Variants in PPARGC1A observed in about 807,000 individuals in gnomAD.
PPARGC1A encodes the protein peroxisome proliferator-activated receptor gamma coactivator 1-alpha.
PPARGC1A carries 25 observed loss-of-function variants against 88.7 expected under a neutral mutation model. The observed-to-expected ratio is 0.28, with a 90% CI of 0.21 to 0.39. PPARGC1A has a LOEUF of 0.39. Ranked by LOEUF, PPARGC1A falls within the 10% of genes least tolerant of loss-of-function variation. The probability of loss-of-function intolerance (pLI) is 1.00; values close to 1 mark genes in which losing one functional copy is unlikely to be tolerated. For missense variants in PPARGC1A, 880 were observed against 968.7 expected (o/e 0.91, Z 1.22); for synonymous variants, 363 against 355.6 (o/e 1.02, Z -0.24).
the PPARGC1A span, among the ~76,000 whole-genome samples, chr4:24,385,132 A>G: frequency 1.3e-5 from 2 of 152,138 alleles, no homozygotes; most frequent in African/African-American, 4.8e-5. Flanking sequence ...CCTGCTCCCA[A>G]ATGACTACTG....
intron 7 of PPARGC1A, among the ~76,000 whole-genome samples, chr4:23,816,542 T>TA (rs3836558): frequency 0.016 from 2,406 of 149,984 alleles, 37 homozygotes; most frequent in African/African-American, 0.043. Context: ...CCCAGCGAGA[T>TA]AAAAAAAAAA....
the PPARGC1A span, among the ~76,000 whole-genome samples, chr4:24,328,611 C>T: frequency 3.0e-4 from 46 of 152,354 alleles, 2 homozygotes; most frequent in Middle Eastern, 6.8e-3. Flanking sequence ...ACATCATCTC[C>T]CTTCCCAGCA....
At chr4:24,094,537 A>G in the PPARGC1A span, among the ~76,000 whole-genome samples, 7 of 152,236 alleles carry the variant, frequency 4.6e-5, no homozygotes, top group African/African-American at 1.7e-4. Context: ...TTTAAAAAGA[A>G]AGAGCAAAGC....
Position 23,815,944 on chromosome 4 carries a change from T to G in PPARGC1A, c.878-1339A>C, listed in dbSNP as rs545448441. Among the ~76,000 whole-genome samples the G allele has an allele frequency of 3.3e-5, 5 of 152,132 alleles. No homozygotes were observed. In the East Asian group the frequency reaches 9.7e-4, roughly 29 times the overall value. On this transcript the variant is annotated intron_variant, in intron 7 of 12. Transcript: ENST00000264867. ...CAACACACATATATCGAGAGCCAAGTAGGTCACAGAAAGCCACATGAGATT... is the reference window on the plus strand; with the variant it reads ...CAACACACATATATCGAGAGCCAAGGAGGTCACAGAAAGCCACATGAGATT...
chr4:24,024,030 T>C, the PPARGC1A span, among the ~76,000 whole-genome samples: 6 of 152,326 alleles, frequency 3.9e-5, no homozygotes, highest in South Asian at 6.2e-4. Flanking sequence ...TTCGCTAGTT[T>C]TTGCCTTCTG....
chr4:24,301,869 G>A, the PPARGC1A span, among the ~76,000 whole-genome samples: 2 of 152,062 alleles, frequency 1.3e-5, no homozygotes, highest in Non-Finnish European at 2.9e-5. Context: ...ATCTAACACA[G>A]TACTGAGCAC....
At chr4:24,108,650 C>A in the PPARGC1A span, among the ~76,000 whole-genome samples, 2 of 152,182 alleles carry the variant, frequency 1.3e-5, no homozygotes, top group African/African-American at 4.8e-5. Context: ...GAAATTGAGG[C>A]CCAGAAAGAT....
the PPARGC1A span, among the ~76,000 whole-genome samples, chr4:24,461,220 C>A: frequency 6.6e-6 from 1 of 152,204 alleles, no homozygotes; most frequent in African/African-American, 2.4e-5. Flanking sequence ...CAATGGCCTG[C>A]CTAGGGCGGA....
the PPARGC1A span, among the ~76,000 whole-genome samples, chr4:24,197,178 A>G: frequency 6.6e-6 from 1 of 152,144 alleles, no homozygotes; most frequent in Non-Finnish European, 1.5e-5. Context: ...GCCACCCAAG[A>G]AGGGGGGATC....
At chr4:24,172,458 G>C in the PPARGC1A span, among the ~76,000 whole-genome samples, 1 of 152,206 alleles carries the variant, frequency 6.6e-6, no homozygotes, top group African/African-American at 2.4e-5. Flanking sequence ...GAATAGTCTT[G>C]GTAGTGTCAC....
At chr4:24,437,659 GTTT>G in the PPARGC1A span, among the ~76,000 whole-genome samples, 1 of 150,832 alleles carries the variant, frequency 6.6e-6, no homozygotes, top group Non-Finnish European at 1.5e-5. Flanking sequence ...TTTTTTGGGG[GTTT>G]TTTTCTTTCT....
At chr4:23,879,255 T>C (rs1053660576) in intron 2 of PPARGC1A, among the ~76,000 whole-genome samples, 2 of 152,202 alleles carry the variant, frequency 1.3e-5, no homozygotes, top group African/African-American at 4.8e-5. Flanking sequence ...GAAAAGTCTG[T>C]CTGACCACAG....
At chr4:23,804,674 C>T (rs560031062) in intron 10 of PPARGC1A, among the ~76,000 whole-genome samples, 35 of 152,150 alleles carry the variant, frequency 2.3e-4, no homozygotes, top group South Asian at 6.2e-4. Context: ...TCTCTTATAT[C>T]GCATTCTTTC....
chr4:24,401,497 G>A, the PPARGC1A span, among the ~76,000 whole-genome samples: 2 of 150,890 alleles, frequency 1.3e-5, no homozygotes, highest in Admixed American at 6.6e-5. Flanking sequence ...CTTGCTTACT[G>A]CTCCAGAGAG....
chr4:24,072,995 T>C, the PPARGC1A span, among the ~76,000 whole-genome samples: 1 of 152,126 alleles, frequency 6.6e-6, no homozygotes, highest in African/African-American at 2.4e-5. Context: ...ACTTATCTTT[T>C]TTCCCCAGTA....
the PPARGC1A span, among the ~76,000 whole-genome samples, chr4:24,421,685 T>C: frequency 2.0e-5 from 3 of 152,158 alleles, no homozygotes; most frequent in Non-Finnish European, 2.9e-5. Flanking sequence ...CTGCTGTGAG[T>C]CCTTCCTCAG....
the PPARGC1A span, among the ~76,000 whole-genome samples, chr4:24,137,658 T>C: frequency 1.4e-4 from 21 of 152,040 alleles, 1 homozygote; most frequent in East Asian, 1.8e-3. Context: ...CCACAAGAAA[T>C]GGCAGCACAG....
chr4:23,851,599 C>T (rs1289970103), intron 2 of PPARGC1A, among the ~76,000 whole-genome samples: 1 of 151,962 alleles, frequency 6.6e-6, no homozygotes, highest in Non-Finnish European at 1.5e-5. Context: ...TACTGATTAC[C>T]AAATATGTGC....
the PPARGC1A span, among the ~76,000 whole-genome samples, chr4:24,124,417 T>A: frequency 6.6e-6 from 1 of 152,232 alleles, no homozygotes; most frequent in African/African-American, 2.4e-5. Context: ...CTTAATTCAA[T>A]GGTACTCATC....
Sources: allele counts gnomAD v4.1 joint callset (sites outside exome capture counted in the v4.1 genomes callset), GRCh38; gene constraint gnomAD v4.1.1; transcripts MANE v1.5; gene names NCBI Gene and HGNC (gene_info 2026-07-23, HGNC 2026-07-21).